DCLK1: variants seen among roughly 807,000 people sequenced by gnomAD.
DCLK1 encodes doublecortin like kinase 1.
In DCLK1, 16 loss-of-function variants were observed where a neutral mutation model predicts 86.2. That is an observed-to-expected ratio of 0.19 (90% CI 0.13 to 0.28). The LOEUF (loss-of-function observed/expected upper bound fraction) is 0.28. DCLK1 is among the 10% of genes least tolerant of loss of function. The pLI, the probability that DCLK1 is intolerant of heterozygous loss-of-function variation, is 1.00. For missense variants in DCLK1, 590 were observed against 940.2 expected (o/e 0.63, Z 4.87); for synonymous variants, 369 against 370.5 (o/e 1.00, Z 0.05).
At chr13:36,123,319 G>A (rs1342168781) in intron 2 of DCLK1, among the ~76,000 whole-genome samples, 1 of 152,186 alleles carries the variant, frequency 6.6e-6, no homozygotes, top group Non-Finnish European at 1.5e-5. Context: ...GCAGCTGCAT[G>A]CTAATTGTCA....
At position 35,809,635 on chromosome 13, in the gene DCLK1, A is replaced by G. The variant is rs558095276; in HGVS notation, c.1689-540T>C. On this transcript the variant is annotated intron_variant, in intron 12 of 16. Transcript: ENST00000360631. ...CAGTTAGTGTCAGAGCTGGTCCCCA[A>G]TATGGTCTTCAAGACCCACCACTTC... 3.9e-5 allele frequency among the ~76,000 whole-genome samples: 6 copies of G among 152,258 alleles called. No homozygotes were observed. In the South Asian group the frequency reaches 6.2e-4, roughly 16 times the overall value.
chr13:35,811,687 A>G (rs2087148628), intron 11 of DCLK1, among the ~76,000 whole-genome samples: 1 of 152,110 alleles, frequency 6.6e-6, no homozygotes, highest in Non-Finnish European at 1.5e-5. Flanking sequence ...TACAAAAAGT[A>G]GCTGGGCGTG....
chr13:36,021,065 C>T (rs1030888749), intron 3 of DCLK1, among the ~76,000 whole-genome samples: 10 of 151,778 alleles, frequency 6.6e-5, no homozygotes, highest in South Asian at 2.1e-4. Flanking sequence ...ATTATAACAC[C>T]GCCTTCATGT....
intron 3 of DCLK1, among the ~76,000 whole-genome samples, chr13:35,974,378 T>A (rs1358282405): frequency 6.6e-6 from 1 of 152,188 alleles, no homozygotes. Context: ...GGGAAGACCG[T>A]GTAAGGACAC....
chr13:35,956,512 G>A lies in DCLK1; in HGVS notation c.724-9055C>T, dbSNP rs138518806. On this transcript the variant is annotated intron_variant, in intron 3 of 16. Transcript: ENST00000360631. ...CAGAATATTTTGGAGATCCTTAAGG[G>A]GTAAAATGTGGCACTGAACATATGG... 2.6e-3 allele frequency among the ~76,000 whole-genome samples: 395 copies of A among 151,812 alleles called. 3 individuals carry two copies. Among genetic ancestry groups the A allele is most frequent in the African/African-American group, 9.1e-3 (375 of 41,424 alleles).
At position 35,835,993 on chromosome 13, in the gene DCLK1, T is replaced by C. The variant is rs370094539; in HGVS notation, c.1229+40A>G. The C allele has an allele frequency of 5.6e-6, 8 of 1,416,468 alleles. No homozygotes were observed. In the South Asian group the frequency reaches 8.6e-5, roughly 15 times the overall value. 87.7% of individuals were successfully genotyped at this position (1,416,468 alleles called of 1,614,324 possible). On this transcript the variant is annotated intron_variant, in intron 8 of 16. Transcript: ENST00000360631. ...CAATCTTGGAAAACATAACGCCAAA[T>C]GTAACCTTTAAGGTTTGATGCAAAT...
At chr13:35,848,050 T>C in intron 6 of DCLK1, 1 of 985,334 alleles carries the variant, frequency 1.0e-6, no homozygotes, top group Non-Finnish European at 1.2e-6. Flanking sequence ...TTTTCTACAA[T>C]GTCTACATCT....
At chr13:35,781,302 C>T (rs2086520771) in intron 16 of DCLK1, among the ~76,000 whole-genome samples, 1 of 152,170 alleles carries the variant, frequency 6.6e-6, no homozygotes, top group South Asian at 2.1e-4. Context: ...ATTATGTGAC[C>T]TTGGACATGT....
intron 4 of DCLK1, among the ~76,000 whole-genome samples, chr13:35,900,068 C>T (rs1041910638): frequency 6.6e-6 from 1 of 151,830 alleles, no homozygotes; most frequent in African/African-American, 2.4e-5. Context: ...GAATATGTTA[C>T]AGGAATTAAG....
intron 3 of DCLK1, among the ~76,000 whole-genome samples, chr13:36,026,813 G>T (rs1882051995): frequency 6.6e-6 from 1 of 152,022 alleles, no homozygotes; most frequent in African/African-American, 2.4e-5. Flanking sequence ...AGCTTCTCAG[G>T]CATTCTTATA....
chr13:35,797,477 G>A (rs993164072), intron 15 of DCLK1, among the ~76,000 whole-genome samples: 3 of 152,294 alleles, frequency 2.0e-5, no homozygotes, highest in Admixed American at 6.5e-5. Context: ...TGGAGGTGAA[G>A]GCCTCCAGCT....
intron 5 of DCLK1, among the ~76,000 whole-genome samples, chr13:35,862,128 G>A (rs1345438411): frequency 1.3e-5 from 2 of 151,994 alleles, no homozygotes; most frequent in African/African-American, 4.8e-5. Flanking sequence ...AGGCAGCGGG[G>A]AGGTACCTTA....
Position 35,770,558 on chromosome 13 carries a change from C to T in DCLK1, c.*3977G>A, listed in dbSNP as rs934183462. 1 of 151,996 alleles carries T rather than the reference C, an allele frequency of 6.6e-6. No homozygotes were observed. Among genetic ancestry groups the T allele is most frequent in the Non-Finnish European group, 1.5e-5 (1 of 68,016 alleles). The allele number at this position is 151,996 out of a possible 1,614,324, so 9.4% of individuals were successfully genotyped here. A position where few individuals can be genotyped will look rare whatever the true frequency, so the allele number is the denominator to read the frequency against. On this transcript the variant is annotated 3_prime_UTR_variant, in exon 17 of 17. Transcript: ENST00000360631. ...CCAAACTCCTAATGGACATGGCAGACAATGTGTAGAAAAATCTGAGTTTTG... is the reference window on the plus strand; with the variant it reads ...CCAAACTCCTAATGGACATGGCAGATAATGTGTAGAAAAATCTGAGTTTTG...
chr13:35,914,657 A>AGTGAG (rs1361903132), intron 4 of DCLK1, among the ~76,000 whole-genome samples: 2 of 150,978 alleles, frequency 1.3e-5, no homozygotes, highest in African/African-American at 4.9e-5. Flanking sequence ...TCAGGGCTGC[A>AGTGAG]GTGAGCTGTG....
intron 16 of DCLK1, among the ~76,000 whole-genome samples, chr13:35,784,487 G>T (rs114817727): frequency 0.019 from 2,902 of 152,198 alleles, 78 homozygotes; most frequent in African/African-American, 0.064. Flanking sequence ...TGACCTTCAC[G>T]CCACAACAGG....
chr13:36,122,054 T>A (rs1593910536), intron 2 of DCLK1, among the ~76,000 whole-genome samples: 1 of 152,198 alleles, frequency 6.6e-6, no homozygotes, highest in Admixed American at 6.5e-5. Flanking sequence ...CAAAAATTAA[T>A]TTTAAAAAAT....
chr13:35,969,026 G>A (rs1878932010), intron 3 of DCLK1, among the ~76,000 whole-genome samples: 2 of 152,272 alleles, frequency 1.3e-5, no homozygotes, highest in African/African-American at 4.8e-5. Flanking sequence ...GGTGTAAAAT[G>A]CTACATGTTA....
At chr13:36,078,636 G>C (rs1884301747) in intron 3 of DCLK1, among the ~76,000 whole-genome samples, 1 of 152,192 alleles carries the variant, frequency 6.6e-6, no homozygotes, top group African/African-American at 2.4e-5. Flanking sequence ...TGAAGTATCT[G>C]AGCACTGGAG....
chr13:36,038,204 C>G (rs933005520), intron 3 of DCLK1, among the ~76,000 whole-genome samples: 1 of 152,192 alleles, frequency 6.6e-6, no homozygotes, highest in Non-Finnish European at 1.5e-5. Context: ...ACCTTGCTTG[C>G]TAAGCTGGTA....
Sources: gnomAD v4.1 joint callset for allele counts (sites outside exome capture counted in the v4.1 genomes callset) on GRCh38, gnomAD v4.1.1 for gene constraint, MANE v1.5 for transcripts, NCBI Gene and HGNC (gene_info 2026-07-23, HGNC 2026-07-21) for gene names.